The following NRCAM variants were observed in gnomAD, a reference collection of about 807,000 sequenced individuals.
NRCAM encodes neuronal cell adhesion molecule, also known as NgCAM-related cell adhesion molecule.
A neutral mutation model predicts 156.5 loss-of-function variants in NRCAM; 83 were observed. That is an observed-to-expected ratio of 0.53 (90% confidence interval 0.44 to 0.64). The LOEUF is 0.64. Among genes scored for constraint, NRCAM ranks in the 30% least tolerant of loss-of-function variants. The pLI is 0.00. For synonymous variants in NRCAM, 538 were observed against 563.9 expected (o/e 0.95, Z 0.65); for missense variants, 1,417 against 1,597.3 (o/e 0.89, Z 1.92).
intron 2 of NRCAM, among the ~76,000 whole-genome samples, chr7:108,342,039 C>T (rs1429391394): frequency 6.6e-6 from 1 of 152,188 alleles, no homozygotes; most frequent in African/African-American, 2.4e-5. Flanking sequence ...GAAGATCCTT[C>T]GAACCCAACG....
At chr7:108,454,231 C>T (rs1209166047) in intron 1 of NRCAM, among the ~76,000 whole-genome samples, 1 of 152,210 alleles carries the variant, frequency 6.6e-6, no homozygotes, top group Admixed American at 6.5e-5. Flanking sequence ...TTGCCTGCTA[C>T]TGTGAGTTCT....
At chr7:108,340,524 G>A (rs937064825) in intron 2 of NRCAM, among the ~76,000 whole-genome samples, 5 of 152,162 alleles carry the variant, frequency 3.3e-5, no homozygotes, top group Non-Finnish European at 7.4e-5. Flanking sequence ...ATCTCAGTCA[G>A]GTCAATGACA....
chr7:108,456,708 G>C (rs1269556755), upstream of NRCAM: 1 of 152,204 alleles, frequency 6.6e-6, no homozygotes, highest in African/African-American at 2.4e-5. Flanking sequence ...GTCAGCCTGC[G>C]AGCGCGTGTG....
chr7:108,206,304 G>C (rs546386645), intron 13 of NRCAM, among the ~76,000 whole-genome samples: 38 of 152,312 alleles, frequency 2.5e-4, no homozygotes, highest in Admixed American at 4.6e-4. Flanking sequence ...AAGTGTGTGT[G>C]TTACTTTGGG....
intron 2 of NRCAM, among the ~76,000 whole-genome samples, chr7:108,339,885 G>GA (rs1351282612): frequency 6.6e-6 from 1 of 151,990 alleles, no homozygotes; most frequent in Admixed American, 6.6e-5. Flanking sequence ...CAGACTCTAA[G>GA]AAAGAAACGA....
intron 12 of NRCAM, among the ~76,000 whole-genome samples, chr7:108,209,068 T>G (rs1183383456): frequency 1.3e-5 from 2 of 152,226 alleles, no homozygotes; most frequent in African/African-American, 4.8e-5. Flanking sequence ...AGAAACACTT[T>G]GAAGCTATGC....
intron 31 of NRCAM, 40 bp from the exon 32 acceptor site, chr7:108,159,581 GTTCT>G (rs1563187360): frequency 1.4e-6 from 2 of 1,478,494 alleles, no homozygotes; most frequent in Admixed American, 3.4e-5. Context: ...TGTTGATCCT[GTTCT>G]TTCTTATTCA....
intron 2 of NRCAM, among the ~76,000 whole-genome samples, chr7:108,355,720 T>G (rs1348730342): frequency 6.6e-6 from 1 of 152,198 alleles, no homozygotes; most frequent in Non-Finnish European, 1.5e-5. Context: ...ATGTTAGTCA[T>G]TTATATGATC....
chr7:108,232,171 G>A (rs954837616), intron 7 of NRCAM, among the ~76,000 whole-genome samples, 155 bp downstream of exon 7: 2 of 152,080 alleles, frequency 1.3e-5, no homozygotes, highest in Non-Finnish European at 2.9e-5. Flanking sequence ...CCTAGGGTAA[G>A]GTGGAAAGGA....
chr7:108,152,421 GGAGA>G (rs372928603), intron 32 of NRCAM, among the ~76,000 whole-genome samples: 2 of 150,976 alleles, frequency 1.3e-5, no homozygotes, highest in Non-Finnish European at 3.0e-5. Flanking sequence ...CTGGGGGGAG[GGAGA>G]GAGAGAGAGA....
intron 12 of NRCAM, among the ~76,000 whole-genome samples, chr7:108,208,707 G>C (rs1341061697): frequency 6.6e-6 from 1 of 152,098 alleles, no homozygotes; most frequent in Admixed American, 6.5e-5. Flanking sequence ...TTATTTCGTA[G>C]ACTGTCTTAC....
rs750224213 is a variant in NRCAM, at chr7:108,147,951, T to A, written c.*1959A>T. The A allele has an allele frequency of 6.5e-6, 1 of 152,688 alleles. No homozygotes were observed. The highest frequency in any genetic ancestry group is 1.5e-5 in the Non-Finnish European group (1 of 68,046). The allele number at this position is 152,688 out of a possible 1,614,324, so 9.5% of individuals were successfully genotyped here. A position where few individuals can be genotyped will look rare whatever the true frequency, so the allele number is the denominator to read the frequency against. The stretch of plus-strand genomic sequence containing the variant: ...AGTAACTTTTAATCTTTGTGCTCTC[T>A]GATGCCAAGGCAAACCTGTTTTGTC... On this transcript the variant is annotated 3_prime_UTR_variant, in exon 33 of 33. Coordinates refer to ENST00000379028, the MANE Select transcript of NRCAM (RefSeq NM_001037132.4).
At chr7:108,382,666 A>C (rs2099706862) in intron 2 of NRCAM, among the ~76,000 whole-genome samples, 1 of 152,142 alleles carries the variant, frequency 6.6e-6, no homozygotes, top group South Asian at 2.1e-4. Flanking sequence ...CAATCTGTAG[A>C]GGTACCCTGG....
At chr7:108,340,918 C>T (rs562135695) in intron 2 of NRCAM, among the ~76,000 whole-genome samples, 76 of 152,074 alleles carry the variant, frequency 5.0e-4, no homozygotes, top group Non-Finnish European at 7.9e-4. Context: ...CTTGGTTTTT[C>T]ATAATAGAGA....
chr7:108,299,485 A>C (rs2098546354), intron 3 of NRCAM, among the ~76,000 whole-genome samples: 1 of 152,222 alleles, frequency 6.6e-6, no homozygotes, highest in African/African-American at 2.4e-5. Flanking sequence ...ATAAAAGATA[A>C]GAATACCCAA....
intron 2 of NRCAM, among the ~76,000 whole-genome samples, chr7:108,381,603 A>C (rs1595811513): frequency 7.2e-6 from 1 of 138,806 alleles, no homozygotes; most frequent in East Asian, 2.1e-4. Context: ...CTTGTTGCCC[A>C]GGCTAGACTG....
chr7:108,234,627 C>T lies in NRCAM; in HGVS notation c.186G>A (p.Glu62=). ...SPKDYIIDPR[E]NIVIQCEAKG... is the part of the protein sequence containing the mutation. The stretch of plus-strand genomic sequence containing the variant: ...TGGCTTCACACTGGATTACAATATT[C>T]TCCCGAGGGTCAATAATGTAATCTT... The change falls in exon 6 of 33, where the codon GAG becomes GAA. Residue 62 remains glutamate (E), a synonymous_variant. Transcript: ENST00000379028. 6.2e-7 allele frequency: 1 copy of T among 1,613,264 alleles called. No individual in the cohort carries two copies.
At chr7:108,186,266 A>C (rs931105870) in intron 20 of NRCAM, among the ~76,000 whole-genome samples, 2 of 152,202 alleles carry the variant, frequency 1.3e-5, no homozygotes, top group African/African-American at 4.8e-5. Flanking sequence ...TCATGTTTAC[A>C]TCTGTAGCCC....
At chr7:108,229,102 T>C (rs1325171582) in intron 8 of NRCAM, among the ~76,000 whole-genome samples, 1 of 152,226 alleles carries the variant, frequency 6.6e-6, no homozygotes, top group African/African-American at 2.4e-5. Context: ...ACAGATACTT[T>C]TAATTCATTC....
Sources: allele counts gnomAD v4.1 joint callset (sites outside exome capture counted in the v4.1 genomes callset), GRCh38; gene constraint gnomAD v4.1.1; transcripts MANE v1.5; gene names NCBI Gene and HGNC (gene_info 2026-07-23, HGNC 2026-07-21).